RIMS2: variants seen among roughly 807,000 people sequenced by gnomAD.
The protein encoded by RIMS2 is regulating synaptic membrane exocytosis protein 2.
Under a neutral mutation model 174.4 loss-of-function variants are expected in RIMS2, and 59 were observed. That is an observed-to-expected ratio of 0.34 (90% CI 0.27 to 0.42). RIMS2 has a LOEUF of 0.42. RIMS2 is among the 10% of genes least tolerant of loss of function. The probability of loss-of-function intolerance (pLI) is 1.00; values close to 1 mark genes in which losing one functional copy is unlikely to be tolerated. For missense variants in RIMS2, 1,620 were observed against 1,666.3 expected (o/e 0.97, Z 0.48); for synonymous variants, 606 against 572.5 (o/e 1.06, Z -0.84).
chr8:103,621,682 T>G (rs1272555073), intron 1 of RIMS2, among the ~76,000 whole-genome samples: 2 of 152,224 alleles, frequency 1.3e-5, no homozygotes, highest in East Asian at 3.8e-4. Flanking sequence ...AGGAAAGTCT[T>G]TGAAGAGGAA....
intron 19 of RIMS2, among the ~76,000 whole-genome samples, chr8:104,131,356 AAC>A (rs1443513271): frequency 1.3e-5 from 2 of 152,186 alleles, no homozygotes; most frequent in African/African-American, 2.4e-5. Context: ...AGGATAAGAG[AAC>A]ACATATCTTA....
chr8:103,949,386 A>G (rs1482725370), intron 14 of RIMS2, among the ~76,000 whole-genome samples: 1 of 152,148 alleles, frequency 6.6e-6, no homozygotes, highest in Non-Finnish European at 1.5e-5. Context: ...ACTAAGGTAG[A>G]CCTTAGTCCT....
At chr8:104,251,222 T>C in intron 23 of RIMS2, 59 bp downstream of exon 29, 1 of 1,349,470 alleles carries the variant, frequency 7.4e-7, no homozygotes, top group Non-Finnish European at 1.0e-6. Context: ...GGTCAGACAT[T>C]ATACCCCAAA....
intron 1 of RIMS2, among the ~76,000 whole-genome samples, chr8:103,516,943 A>G (rs1328507056): frequency 6.6e-6 from 1 of 152,198 alleles, no homozygotes; most frequent in African/African-American, 2.4e-5. Flanking sequence ...CCAGCAATAC[A>G]GTATAGGGAA....
intron 19 of RIMS2, among the ~76,000 whole-genome samples, chr8:104,196,164 A>G (rs1345868231): frequency 2.0e-5 from 3 of 152,140 alleles, no homozygotes; most frequent in East Asian, 3.8e-4. Flanking sequence ...ACTCCAAAAA[A>G]CACTTTGTCT....
intron 19 of RIMS2, among the ~76,000 whole-genome samples, chr8:104,047,761 G>C (rs561100995): frequency 2.2e-4 from 34 of 152,154 alleles, no homozygotes; most frequent in Non-Finnish European, 4.0e-4. Context: ...ATACTAGTTT[G>C]TGACTGCTAG....
At chr8:103,642,203 TC>T (rs2096245601) in intron 1 of RIMS2, among the ~76,000 whole-genome samples, 1 of 152,168 alleles carries the variant, frequency 6.6e-6, no homozygotes, top group Non-Finnish European at 1.5e-5. Context: ...TCTTAGCATA[TC>T]AATTGTACTT....
chr8:103,780,686 A>AT (rs1310769982), intron 3 of RIMS2, among the ~76,000 whole-genome samples: 5 of 151,844 alleles, frequency 3.3e-5, no homozygotes, highest in African/African-American at 7.3e-5. Context: ...TAAAACTGCT[A>AT]TTTTTTTATG....
intron 3 of RIMS2, among the ~76,000 whole-genome samples, chr8:103,840,957 TA>T (rs1448939147): frequency 2.0e-5 from 3 of 152,176 alleles, no homozygotes; most frequent in Non-Finnish European, 2.9e-5. Context: ...AAACAATGTA[TA>T]AAAGCTTCCT....
intron 1 of RIMS2, among the ~76,000 whole-genome samples, chr8:103,604,610 A>G (rs1588776026): frequency 6.7e-6 from 1 of 150,374 alleles, no homozygotes; most frequent in East Asian, 2.0e-4. Flanking sequence ...TTTTCACGAT[A>G]TTGATTCTTC....
intron 2 of RIMS2, among the ~76,000 whole-genome samples, chr8:103,753,897 T>G (rs1025686656): frequency 6.6e-6 from 1 of 152,182 alleles, no homozygotes; most frequent in Non-Finnish European, 1.5e-5. Context: ...ATTCACTGAT[T>G]TTTTCAAGGG....
At chr8:104,109,525 C>T (rs969373119) in intron 19 of RIMS2, among the ~76,000 whole-genome samples, 7 of 151,492 alleles carry the variant, frequency 4.6e-5, no homozygotes, top group South Asian at 2.1e-4. Flanking sequence ...GAGAACTCAA[C>T]GCAGTAATGC....
At chr8:104,033,967 A>G (rs762234380) in intron 19 of RIMS2, among the ~76,000 whole-genome samples, 1 of 152,164 alleles carries the variant, frequency 6.6e-6, no homozygotes, top group Non-Finnish European at 1.5e-5. Context: ...TGATATTAAT[A>G]ATCTATTGAA....
intron 3 of RIMS2, among the ~76,000 whole-genome samples, chr8:103,877,699 A>T (rs1241794691): frequency 6.6e-6 from 1 of 151,176 alleles, no homozygotes; most frequent in East Asian, 1.9e-4. Flanking sequence ...GCTTTGAATT[A>T]CTTTGGCTAT....
At chr8:104,191,958 C>T (rs1243880390) in intron 19 of RIMS2, among the ~76,000 whole-genome samples, 1 of 151,906 alleles carries the variant, frequency 6.6e-6, no homozygotes, top group Non-Finnish European at 1.5e-5. Flanking sequence ...AATTCATTTT[C>T]CAAGAAGAGC....
chr8:103,564,694 T>C (rs1360249423), intron 1 of RIMS2, among the ~76,000 whole-genome samples: 2 of 152,192 alleles, frequency 1.3e-5, no homozygotes, highest in Non-Finnish European at 2.9e-5. Context: ...TTCCACGTTC[T>C]TCTGCCTGCT....
intron 1 of RIMS2, among the ~76,000 whole-genome samples, chr8:103,575,699 T>TAC (rs1554643253): frequency 4.3e-4 from 64 of 149,448 alleles, no homozygotes; most frequent in African/African-American, 1.5e-3. Context: ...TATATATATA[T>TAC]ACACATACAG....
intron 7 of RIMS2, among the ~76,000 whole-genome samples, chr8:103,916,019 G>T (rs1035894674): frequency 5.9e-5 from 9 of 151,820 alleles, no homozygotes; most frequent in Non-Finnish European, 1.0e-4. Flanking sequence ...TAATTATTAA[G>T]GTTTTTACAA....
intron 3 of RIMS2, among the ~76,000 whole-genome samples, chr8:103,843,367 C>T (rs1564874525): frequency 6.6e-6 from 1 of 152,184 alleles, no homozygotes; most frequent in East Asian, 1.9e-4. Context: ...CTGCCTCAGC[C>T]TTGCTAATAT....
Sources: gnomAD v4.1 joint callset for allele counts (sites outside exome capture counted in the v4.1 genomes callset) on GRCh38, gnomAD v4.1.1 for gene constraint, MANE v1.5 for transcripts, NCBI Gene and HGNC (gene_info 2026-07-23, HGNC 2026-07-21) for gene names.